The following KIF27 variants were observed in gnomAD, a reference collection of about 807,000 sequenced individuals.
KIF27 encodes kinesin-like protein KIF27.
A neutral mutation model predicts 141.8 loss-of-function variants in KIF27; 84 were observed. That is an observed-to-expected ratio of 0.59 (90% CI 0.50 to 0.71). The LOEUF (loss-of-function observed/expected upper bound fraction) is 0.71. Ranked by LOEUF, KIF27 falls within the 30% of genes least tolerant of loss-of-function variation. KIF27 has a pLI of 0.00. For missense variants in KIF27, 1,306 were observed against 1,628.4 expected (o/e 0.80, Z 3.41); for synonymous variants, 471 against 569.5 (o/e 0.83, Z 2.46).
chr9:83,880,321 A>T lies in KIF27; in HGVS notation c.2619T>A (p.Ile873=). The change falls in exon 11 of 18, where the codon ATT becomes ATA. Residue 873 remains isoleucine (I), a synonymous_variant. Transcript: ENST00000297814. The part of the protein sequence containing the change: ...NEKRKQLDAV[I]KRDQQKIKEI... ...CTTTGATTTTTTGCTGGTCCCGCTTAATTACTGCATCCAGTTGCTTCCTTT... is the reference window on the plus strand; with the variant it reads ...CTTTGATTTTTTGCTGGTCCCGCTTTATTACTGCATCCAGTTGCTTCCTTT... 6.2e-7 allele frequency: 1 copy of T among 1,613,770 alleles called. No individual in the cohort carries two copies. The highest frequency in any genetic ancestry group is 1.1e-5 in the South Asian group (1 of 91,060).
intron 15 of KIF27, among the ~76,000 whole-genome samples, chr9:83,851,846 AG>A (rs1201310050): frequency 6.6e-6 from 1 of 152,156 alleles, no homozygotes; most frequent in Non-Finnish European, 1.5e-5. Flanking sequence ...GAGTAGCACA[AG>A]GGCCAGGCAC....
chr9:83,918,323 T>G (rs1300191865), intron 1 of KIF27, among the ~76,000 whole-genome samples: 216 of 88,492 alleles, frequency 2.4e-3, no homozygotes, highest in East Asian at 5.0e-3. Flanking sequence ...ACGAGAGAAA[T>G]GGGGGGGGGG....
intron 3 of KIF27, among the ~76,000 whole-genome samples, chr9:83,904,681 T>G (rs1352183687): frequency 1.3e-5 from 2 of 152,174 alleles, no homozygotes; most frequent in African/African-American, 4.8e-5. Flanking sequence ...TAGATTAATC[T>G]TTTATAAATT....
In KIF27 at chr9:83,903,050, G is replaced by A; in HGVS notation, c.1458+10C>T. ...ATAAATAAATAAATAAATAAGTGAT[G>A]TCTAAGTACCTGGCATTTCTTAAGC... is the stretch of plus-strand genomic sequence containing the variant. On this transcript the variant is annotated intron_variant, in intron 4 of 17. Transcript: ENST00000297814. The A allele has an allele frequency of 2.0e-6, 3 of 1,520,612 alleles. No individual in the cohort carries two copies. Among genetic ancestry groups the A allele is most frequent in the Non-Finnish European group, 2.7e-6 (3 of 1,108,166 alleles). 94.2% of individuals were successfully genotyped at this position (1,520,612 alleles called of 1,614,324 possible). A position where few individuals can be genotyped will look rare whatever the true frequency, so the allele number is the denominator to read the frequency against.
At chr9:83,841,989 A>T (rs1359406049) in intron 17 of KIF27, among the ~76,000 whole-genome samples, 2 of 152,226 alleles carry the variant, frequency 1.3e-5, no homozygotes, top group Admixed American at 6.5e-5. Context: ...ATTAAATGAG[A>T]TAAGGTCTAC....
chr9:83,842,504 C>T (rs980624069), intron 16 of KIF27, 103 bp from the exon 17 acceptor site: 29 of 1,388,400 alleles, frequency 2.1e-5, no homozygotes, highest in Non-Finnish European at 2.7e-5. Flanking sequence ...GCACTGTCGC[C>T]CAGGCTAGAG....
chr9:83,920,117 G>C (rs1259809296), intron 1 of KIF27, among the ~76,000 whole-genome samples: 3 of 152,252 alleles, frequency 2.0e-5, no homozygotes, highest in African/African-American at 7.2e-5. Flanking sequence ...TGTAGTCCCA[G>C]CTACTTGGGA....
At chr9:83,883,736 C>T in intron 10 of KIF27, 77 bp downstream of exon 10, 1 of 977,558 alleles carries the variant, frequency 1.0e-6, no homozygotes, top group Non-Finnish European at 1.5e-6. Context: ...AATCCCACTT[C>T]TTTCCTAACT....
intron 13 of KIF27, among the ~76,000 whole-genome samples, chr9:83,863,490 G>A (rs1412667183): frequency 5.3e-5 from 8 of 151,998 alleles, no homozygotes; most frequent in East Asian, 3.9e-4. Context: ...ATTGATTTGC[G>A]TATGTTGAAC....
At chr9:83,855,752 G>C (rs1034047406) in intron 14 of KIF27, among the ~76,000 whole-genome samples, 35 of 152,306 alleles carry the variant, frequency 2.3e-4, no homozygotes, top group Middle Eastern at 6.8e-3. Context: ...AATGTTCAGT[G>C]AGGACTTTAC....
intron 15 of KIF27, among the ~76,000 whole-genome samples, chr9:83,852,691 T>C (rs545348758): frequency 1.1e-4 from 16 of 152,300 alleles, no homozygotes; most frequent in African/African-American, 3.8e-4. Context: ...AGTGCAGTAG[T>C]GATCATAGCT....
At chr9:83,862,224 G>A (rs1195324001) in intron 13 of KIF27, among the ~76,000 whole-genome samples, 1 of 151,872 alleles carries the variant, frequency 6.6e-6, no homozygotes, top group African/African-American at 2.4e-5. Context: ...CATTGCTTTT[G>A]GTGTTTTAGA....
intron 13 of KIF27, chr9:83,859,581 G>C (rs1163422855): frequency 1.9e-6 from 1 of 515,450 alleles, no homozygotes; most frequent in Non-Finnish European, 3.5e-6. Flanking sequence ...CCCCAGGCTA[G>C]AGTGCAATGG....
intron 14 of KIF27, among the ~76,000 whole-genome samples, chr9:83,855,625 A>AT (rs1949111226): frequency 6.6e-6 from 1 of 151,986 alleles, no homozygotes; most frequent in African/African-American, 2.4e-5. Flanking sequence ...AACGAAACAA[A>AT]TTTTTTTTCT....
In KIF27 at chr9:83,915,688, A is replaced by G; in HGVS notation, c.-87-10T>C. On this transcript the variant is annotated splice_polypyrimidine_tract_variant and intron_variant, in intron 1 of 17. Transcript: ENST00000297814. ...TGTAAGATCTGGATTCCTGTGCAAC[A>G]AAAATAAAAAGCAAATTTTAATTAC... The G allele has an allele frequency of 7.8e-7, 1 of 1,280,644 alleles. No homozygotes were observed. The highest frequency in any genetic ancestry group is 1.1e-6 in the Non-Finnish European group (1 of 939,284). The allele number at this position is 1,280,644 out of a possible 1,614,324, so 79.3% of individuals were successfully genotyped here.
At chr9:83,880,941 T>C (rs995621574) in intron 10 of KIF27, among the ~76,000 whole-genome samples, 4 of 152,316 alleles carry the variant, frequency 2.6e-5, no homozygotes, top group South Asian at 2.1e-4. Flanking sequence ...TGCATGCAAA[T>C]AGCTGCATAT....
chr9:83,835,002 A>G lies in KIF27; in HGVS notation c.*1999T>C, dbSNP rs540320229. ...TCAGTGCCTTCAACAAAGCACAGCAATAATATATTTAAATAAATATGTATT... is the reference window on the plus strand; with the variant it reads ...TCAGTGCCTTCAACAAAGCACAGCAGTAATATATTTAAATAAATATGTATT... On this transcript the variant is annotated 3_prime_UTR_variant, in exon 18 of 18. Coordinates refer to ENST00000297814, the MANE Select transcript of KIF27 (RefSeq NM_017576.4). Among the ~76,000 whole-genome samples the G allele has an allele frequency of 6.7e-6, 1 of 149,422 alleles. No homozygotes were observed. The highest frequency in any genetic ancestry group is 1.9e-4 in the East Asian group (1 of 5,148).
rs1030144169 is a variant in KIF27 at position 83,866,779 on chromosome 9, T to G, written c.2934+905A>C. Among the ~76,000 whole-genome samples the G allele has an allele frequency of 5.3e-5, 8 of 151,884 alleles. No individual in the cohort carries two copies. In the South Asian group the frequency reaches 6.2e-4, roughly 12 times the overall value. On this transcript the variant is annotated intron_variant, in intron 13 of 17. Coordinates refer to ENST00000297814, the MANE Select transcript of KIF27 (RefSeq NM_017576.4). ...TAGTCCGAGCTACTCGGGAGACTGA[T>G]ACAGGAGAATCGCTTGAACCCAGGA...
chr9:83,866,645 AGATGGGCG>A (rs1950374300), intron 13 of KIF27, among the ~76,000 whole-genome samples: 1 of 152,188 alleles, frequency 6.6e-6, no homozygotes. Context: ...TGGGAGGCCA[AGATGGGCG>A]GATCACAAGG....
Sources: allele counts gnomAD v4.1 joint callset (sites outside exome capture counted in the v4.1 genomes callset), GRCh38; gene constraint gnomAD v4.1.1; transcripts MANE v1.5; gene names NCBI Gene and HGNC (gene_info 2026-07-23, HGNC 2026-07-21).